CWC27: variants seen among roughly 807,000 people sequenced by gnomAD.
CWC27 encodes the protein CWC27 spliceosome associated cyclophilin, also known as spliceosome-associated protein CWC27 homolog.
A neutral mutation model predicts 63.6 loss-of-function variants in CWC27; 47 were observed. The ratio of observed to expected loss-of-function variants is 0.74; its 90% CI spans 0.58 to 0.94. The LOEUF (loss-of-function observed/expected upper bound fraction) is 0.94, where lower values mean the gene tolerates loss of function less well. Ranked by LOEUF, CWC27 falls within the 40% of genes least tolerant of loss-of-function variation. CWC27 has a pLI of 0.00. For synonymous variants in CWC27, 175 were observed against 179.8 expected, an observed-to-expected ratio of 0.97 and a Z score of 0.22; for missense variants, 495 against 554.3, an observed-to-expected ratio of 0.89 and a Z score of 1.07.
intron 11 of CWC27, among the ~76,000 whole-genome samples, chr5:64,925,933 A>G (rs1242376069): frequency 7.9e-5 from 12 of 152,076 alleles, no homozygotes; most frequent in Admixed American, 7.9e-4. Flanking sequence ...TTTGTCCTTC[A>G]TGTACCATCT....
chr5:64,786,870 C>A (rs915716042), intron 6 of CWC27, among the ~76,000 whole-genome samples: 1 of 152,080 alleles, frequency 6.6e-6, no homozygotes, highest in African/African-American at 2.4e-5. Flanking sequence ...TTTCACACTG[C>A]TATAAAGATA....
intron 11 of CWC27, among the ~76,000 whole-genome samples, chr5:64,959,748 G>T (rs747883650): frequency 1.3e-5 from 2 of 152,174 alleles, no homozygotes; most frequent in Non-Finnish European, 2.9e-5. Context: ...TTCAGTAAAA[G>T]CAGTAAGGTG....
intron 10 of CWC27, among the ~76,000 whole-genome samples, chr5:64,823,079 C>T (rs138318332): frequency 1.1e-3 from 173 of 152,096 alleles, no homozygotes; most frequent in African/African-American, 4.1e-3. Context: ...CTGAGTAAAC[C>T]AATTTTTCTG....
chr5:64,887,147 T>C (rs544652919), intron 11 of CWC27, among the ~76,000 whole-genome samples: 3 of 152,094 alleles, frequency 2.0e-5, no homozygotes, highest in Non-Finnish European at 2.9e-5. Context: ...CTGTGACTTA[T>C]AGTTACGATC....
chr5:64,799,379 A>T (rs557263860), intron 7 of CWC27, among the ~76,000 whole-genome samples: 2 of 152,118 alleles, frequency 1.3e-5, no homozygotes, highest in East Asian at 3.9e-4. Context: ...TGAGGTCAGG[A>T]GATCAAGACC....
Position 64,956,396 on chromosome 5 carries a change from GA to G in CWC27, c.1043-15305del, listed in dbSNP as rs532068371. Among the ~76,000 whole-genome samples the G allele has an allele frequency of 4.1e-3, 624 of 152,170 alleles. 2 individuals are homozygous for G. Among genetic ancestry groups the G allele is most frequent in the African/African-American group, 0.014 (583 of 41,520 alleles). On this transcript the variant is annotated intron_variant, in intron 11 of 13. Coordinates refer to ENST00000381070, the MANE Select transcript of CWC27 (RefSeq NM_005869.4). ...TATTTATACATTCTTCATTTTCAAA[GA>G]ATAATTTTTCTCTGCCTCCTGTGCA... is the stretch of plus-strand genomic sequence containing the variant.
intron 10 of CWC27, among the ~76,000 whole-genome samples, chr5:64,830,748 C>T (rs1189256077): frequency 1.3e-5 from 2 of 152,076 alleles, no homozygotes; most frequent in Non-Finnish European, 2.9e-5. Context: ...CAAACAACCC[C>T]ATCAAAAAGT....
chr5:64,832,780 G>C (rs1745560917), intron 10 of CWC27, among the ~76,000 whole-genome samples: 2 of 151,776 alleles, frequency 1.3e-5, no homozygotes, highest in African/African-American at 4.8e-5. Context: ...TGCAGCAGTT[G>C]TACCCTCAGT....
At chr5:64,992,969 A>G (rs1248691747) in intron 13 of CWC27, among the ~76,000 whole-genome samples, 1 of 152,136 alleles carries the variant, frequency 6.6e-6, no homozygotes. Context: ...CACACATTGA[A>G]TTATTACCTA....
In CWC27 at chr5:64,943,008, G is replaced by A. The variant is rs56358841; in HGVS notation, c.1043-28695G>A. On this transcript the variant is annotated intron_variant, in intron 11 of 13. Coordinates refer to ENST00000381070, the MANE Select transcript of CWC27 (RefSeq NM_005869.4). ...GGGGAGAGGGGAGAATGCTGGCATG[G>A]AACATAGAAATATAACTCTCCTAAA... Among the ~76,000 whole-genome samples, 1,497 of 152,232 alleles carry A rather than the reference G, an allele frequency of 9.8e-3. 8 individuals are homozygous for A. Among genetic ancestry groups the A allele is most frequent in the Non-Finnish European group, 0.015 (1,053 of 68,002 alleles).
At chr5:64,866,010 A>G (rs544706838) in intron 10 of CWC27, among the ~76,000 whole-genome samples, 85 of 152,236 alleles carry the variant, frequency 5.6e-4, no homozygotes, top group Non-Finnish European at 9.4e-4. Flanking sequence ...AAAGCATATT[A>G]GAAAGCCTTA....
At chr5:64,862,478 TA>T (rs1746434255) in intron 10 of CWC27, among the ~76,000 whole-genome samples, 1 of 152,090 alleles carries the variant, frequency 6.6e-6, no homozygotes. Flanking sequence ...AGAAATAAAT[TA>T]CAGAAGTCAT....
At chr5:64,995,011 T>G (rs911292298) in intron 13 of CWC27, among the ~76,000 whole-genome samples, 1 of 148,080 alleles carries the variant, frequency 6.8e-6, no homozygotes, top group Non-Finnish European at 1.5e-5. Context: ...CTCTGAAATT[T>G]TTTTTTTTTT....
chr5:65,006,112 G>A (rs1016577638), intron 13 of CWC27, among the ~76,000 whole-genome samples: 3 of 152,134 alleles, frequency 2.0e-5, no homozygotes, highest in Non-Finnish European at 4.4e-5. Context: ...AGTGCCAAAT[G>A]TTTGTTAGCA....
rs749944995 is a variant in CWC27, at chr5:64,804,320, A to C, written c.872A>C (p.Lys291Thr). 4 of 1,613,050 alleles carry C rather than the reference A, an allele frequency of 2.5e-6. No homozygotes were observed. Among genetic ancestry groups the C allele is most frequent in the Non-Finnish European group, 2.5e-6 (3 of 1,179,574 alleles). Residue 291 changes from lysine (K) to threonine (T), a missense_variant, in exon 10 of 14, where the codon AAG becomes ACG. Coordinates refer to ENST00000381070, the MANE Select transcript of CWC27 (RefSeq NM_005869.4). ...GAAAGAATTGCCAAAAAATTAAAAA[A>C]GGACACAAGTGCGAATGTTAAATCA... ...MRERIAKKLKKDTSANVKSAG... is the reference protein window; with the variant it reads ...MRERIAKKLKTDTSANVKSAG...
At chr5:64,929,195 A>G (rs914066239) in intron 11 of CWC27, among the ~76,000 whole-genome samples, 5 of 152,182 alleles carry the variant, frequency 3.3e-5, no homozygotes, top group African/African-American at 1.2e-4. Flanking sequence ...TTTCTTAGGC[A>G]TATCCTACCT....
At chr5:64,788,731 T>C (rs79621138) in intron 6 of CWC27, among the ~76,000 whole-genome samples, 210 of 152,064 alleles carry the variant, frequency 1.4e-3, no homozygotes, top group African/African-American at 4.8e-3. Context: ...TAGTATAATA[T>C]AGGAAACATT....
chr5:64,954,662 A>G (rs1224750514), intron 11 of CWC27, among the ~76,000 whole-genome samples: 1 of 150,340 alleles, frequency 6.7e-6, no homozygotes, highest in Non-Finnish European at 1.5e-5. Flanking sequence ...ATATATATAT[A>G]TATAGTGCTT....
chr5:64,912,659 G>A (rs1747815601), intron 11 of CWC27, among the ~76,000 whole-genome samples: 1 of 152,096 alleles, frequency 6.6e-6, no homozygotes, highest in Non-Finnish European at 1.5e-5. Context: ...AAAAAACAAT[G>A]TGCAGATAAT....
Sources: allele counts gnomAD v4.1 joint callset (sites outside exome capture counted in the v4.1 genomes callset), GRCh38; gene constraint gnomAD v4.1.1; transcripts MANE v1.5; gene names NCBI Gene and HGNC (gene_info 2026-07-23, HGNC 2026-07-21).